MUC5AC: variants seen among roughly 807,000 people sequenced by gnomAD.
The protein encoded by MUC5AC is mucin-5AC.
Under a neutral mutation model 169.7 loss-of-function variants are expected in MUC5AC, and 158 were observed. That is an observed-to-expected ratio of 0.93 (90% CI 0.82 to 1.06). MUC5AC has a LOEUF of 1.06. Ranked by LOEUF, MUC5AC falls within the 50% of genes least tolerant of loss-of-function variation. The pLI is 0.00. For missense variants in MUC5AC, 4,359 were observed against 3,089.9 expected, an observed-to-expected ratio of 1.41 and a Z score of -9.74; for synonymous variants, 1,975 against 1,237.0, an observed-to-expected ratio of 1.60 and a Z score of -12.52.
intron 37 of MUC5AC, 68 bp from the exon 38 acceptor site, chr11:1,196,320 C>T: frequency 1.3e-6 from 1 of 749,414 alleles, no homozygotes; most frequent in Non-Finnish European, 2.5e-6. Flanking sequence ...ATGTTGGTGC[C>T]CAGCGGCCCG....
chr11:1,181,382 T>C lies in MUC5AC; in HGVS notation c.3932T>C (p.Ile1311Thr). 2.5e-6 allele frequency: 1 copy of C among 398,584 alleles called. No homozygotes were observed. The highest frequency in any genetic ancestry group is 4.4e-6 in the Non-Finnish European group (1 of 226,114). The allele number at this position is 398,584 out of a possible 1,614,324, so 24.7% of individuals were successfully genotyped here. ...GCCCGCTGCGGGGCCAACGGCACCA[T>C]TGAGAGGAGGGTCTACCCCTGCAGC... ...ISARCGANGTIERRVYPCSPT... is the reference protein window; with the variant it reads ...ISARCGANGTTERRVYPCSPT... Residue 1311 changes from isoleucine to threonine, a missense_variant, in exon 30 of 49, where the codon ATT becomes ACT. By Grantham distance (89) the Ile-to-Thr change is moderately conservative. Coordinates refer to ENST00000621226, the MANE Select transcript of MUC5AC (RefSeq NM_001304359.2).
At chr11:1,169,843 CACTCACCG>C (rs1183486287) in intron 15 of MUC5AC, among the ~76,000 whole-genome samples, 2 of 136,050 alleles carry the variant, frequency 1.5e-5, no homozygotes, top group Admixed American at 7.2e-5. Context: ...CTCACTCACC[CACTCACCG>C]ACTCACCCAT....
In MUC5AC at chr11:1,190,009, C is replaced by G; in HGVS notation, c.11864C>G (p.Pro3955Arg). The part of the protein sequence containing the change: ...HSQPVTRDCH[P>R]RCTWTKWFDV... ...CAACCAGTCACCAGAGACTGTCATC[C>G]CCGGTGCACCTGGACCAAGTGGTTT... The change falls in exon 31 of 49, where the codon CCC (proline) becomes CGC (arginine). Residue 3955 changes from proline (P) to arginine (R), a missense_variant. Pro to Arg is a moderately radical substitution (Grantham distance 103, BLOSUM62 -2). Transcript: ENST00000621226. 1.3e-6 allele frequency: 1 copy of G among 765,154 alleles called. No homozygotes were observed. Among genetic ancestry groups the G allele is most frequent in the South Asian group, 1.3e-5 (1 of 74,618 alleles). The allele number at this position is 765,154 out of a possible 1,614,324, so 47.4% of individuals were successfully genotyped here.
chr11:1,176,394 C>T (rs978230561), intron 20 of MUC5AC, 120 bp from the exon 21 acceptor site: 23 of 398,600 alleles, frequency 5.8e-5, no homozygotes, highest in South Asian at 2.6e-4. Flanking sequence ...CCTGCCCATG[C>T]GCTCCCGGAC....
intron 19 of MUC5AC, 122 bp from the exon 20 acceptor site, chr11:1,176,029 C>T: frequency 2.5e-6 from 1 of 397,772 alleles, no homozygotes; most frequent in Non-Finnish European, 4.4e-6. Flanking sequence ...CACTCACACC[C>T]ACTCATGCAC....
Position 1,186,434 on chromosome 11 carries a change from C to T in MUC5AC, c.8289C>T (p.Ser2763=). 1 of 702,052 alleles carries T rather than the reference C, an allele frequency of 1.4e-6. No individual in the cohort carries two copies. 43.5% of individuals were successfully genotyped at this position (702,052 alleles called of 1,614,324 possible). A position where few individuals can be genotyped will look rare whatever the true frequency, so the allele number is the denominator to read the frequency against. Residue 2763 remains serine (S), a synonymous_variant, in exon 31 of 49, where the codon AGC becomes AGT. Coordinates refer to ENST00000621226, the MANE Select transcript of MUC5AC (RefSeq NM_001304359.2). ...TTSTISASTT[S]TTSATTTSTT... Reference sequence around the variant, plus strand: ...GCACAATCTCTGCCTCTACCACCAGCACAACCTCTGCGACTACAACCAGCA... The same window carrying T: ...GCACAATCTCTGCCTCTACCACCAGTACAACCTCTGCGACTACAACCAGCA...
chr11:1,175,469 TCACACCCACTCATGCACATGCTCA>T (rs1238770081), intron 19 of MUC5AC, among the ~76,000 whole-genome samples, 199 bp downstream of exon 19: 24,918 of 150,776 alleles, frequency 0.17, 2,276 homozygotes, highest in Non-Finnish European at 0.2. Flanking sequence ...CATATGACAC[TCACACCCACTCATGCACATGCTCA>T]CACACCCACT....
chr11:1,160,705 C>G lies in MUC5AC; in HGVS notation c.151+16C>G. 6.2e-7 allele frequency: 1 copy of G among 1,602,652 alleles called. No individual in the cohort carries two copies. The highest frequency in any genetic ancestry group is 8.5e-7 in the Non-Finnish European group (1 of 1,175,948). On this transcript the variant is annotated intron_variant, in intron 2 of 48. Transcript: ENST00000621226. ...GGGCCCAGCGGTGAGTCTGAGTGTC[C>G]GGCCCCCACCCTAAGCCTGTCAGAT... is the stretch of plus-strand genomic sequence containing the variant.
At chr11:1,192,706 C>T (rs1169628315) in intron 31 of MUC5AC, 77 bp from the exon 32 acceptor site, 4 of 694,284 alleles carry the variant, frequency 5.8e-6, no homozygotes, top group African/African-American at 1.8e-5. Context: ...AGAAAGTGCC[C>T]CTCTGGCTCT....
chr11:1,198,206 A>G (rs1274241888), intron 42 of MUC5AC, 62 bp from the exon 43 acceptor site: 1 of 717,096 alleles, frequency 1.4e-6, no homozygotes, highest in Middle Eastern at 2.3e-4. Context: ...AGGGGCGGGA[A>G]TGCTGAGGGT....
At chr11:1,182,118 G>C (rs1860828871) in intron 30 of MUC5AC, 37 bp from the exon 31 acceptor site, 3 of 398,584 alleles carry the variant, frequency 7.5e-6, no homozygotes, top group Non-Finnish European at 1.3e-5. Context: ...CCAAGTGCGG[G>C]CCTCTCATGC....
rs779222327 is a variant in MUC5AC at position 1,192,356 on chromosome 11, C to G, written c.14211C>G (p.Thr4737=). The G allele has an allele frequency of 1.3e-6, 1 of 764,970 alleles. No individual in the cohort carries two copies. The highest frequency in any genetic ancestry group is 1.7e-5 in the African/African-American group (1 of 59,132). The allele number at this position is 764,970 out of a possible 1,614,324, so 47.4% of individuals were successfully genotyped here. Residue 4737 remains threonine, a synonymous_variant, in exon 31 of 49, where the codon ACC becomes ACG. Transcript: ENST00000621226. The part of the protein sequence containing the change: ...TPRGCPVTSV[T]PYGTSPTNAL... ...GAGGCTGCCCGGTGACCTCTGTGAC[C>G]CCATATGGGACTTCTCCTACCAATG...
In MUC5AC at chr11:1,174,927, A is replaced by G. The variant is rs1033872522; in HGVS notation, c.2138A>G (p.His713Arg). The G allele has an allele frequency of 2.7e-5, 11 of 409,988 alleles. No individual in the cohort carries two copies. The highest frequency in any genetic ancestry group is 4.4e-5 in the Admixed American group (1 of 22,964). 25.4% of individuals were successfully genotyped at this position (409,988 alleles called of 1,614,324 possible). A position where few individuals can be genotyped will look rare whatever the true frequency, so the allele number is the denominator to read the frequency against. Residue 713 changes from histidine to arginine, a missense_variant, in exon 18 of 49, where the codon CAT (histidine) becomes CGT (arginine). Coordinates refer to ENST00000621226, the MANE Select transcript of MUC5AC (RefSeq NM_001304359.2). ...CCCAAGTCAATGACGTACCACTACC[A>G]TGTCAGCACCTGCCAGCCCACCTGC... ...TCPKSMTYHY[H>R]VSTCQPTCRS...
At position 1,160,596 on chromosome 11, in the gene MUC5AC, C is replaced by T. The variant is rs909714964; in HGVS notation, c.74-16C>T. ...CCACCCTGCATCTGGGCTCAGCCCCCCTCCTCTTTCTGCAGGCCATGCCCA... is the reference window on the plus strand; with the variant it reads ...CCACCCTGCATCTGGGCTCAGCCCCTCTCCTCTTTCTGCAGGCCATGCCCA... On this transcript the variant is annotated splice_polypyrimidine_tract_variant and intron_variant, in intron 1 of 48. Transcript: ENST00000621226. The T allele has an allele frequency of 3.1e-6, 5 of 1,602,436 alleles. No homozygotes were observed. In the Admixed American group the frequency reaches 8.4e-5, roughly 27 times the overall value.
rs755367539 is a variant in MUC5AC, at chr11:1,193,517, C to T, written c.14613C>T (p.Ser4871=). ...KGETWATPNC[S]EATCEGNNVI... ...AGACCTGGGCCACACCCAACTGCTC[C>T]GAGGCCACCTGTGAGGGCAACAACG... The change falls in exon 33 of 49, where the codon TCC becomes TCT. Residue 4871 remains serine, a synonymous_variant. Coordinates refer to ENST00000621226, the MANE Select transcript of MUC5AC (RefSeq NM_001304359.2). The T allele has an allele frequency of 1.3e-5, 10 of 755,298 alleles. No individual in the cohort carries two copies. Among genetic ancestry groups the T allele is most frequent in the African/African-American group, 6.8e-5 (4 of 58,938 alleles). 46.8% of individuals were successfully genotyped at this position (755,298 alleles called of 1,614,324 possible).
At chr11:1,158,525 C>G (rs981414237) in intron 1 of MUC5AC, among the ~76,000 whole-genome samples, 1 of 152,192 alleles carries the variant, frequency 6.6e-6, no homozygotes, top group African/African-American at 2.4e-5. Context: ...GGATCTCCTG[C>G]GGGGGGAGGT....
intron 6 of MUC5AC, among the ~76,000 whole-genome samples, chr11:1,163,500 G>GC (rs1860207040): frequency 6.6e-6 from 1 of 152,220 alleles, no homozygotes; most frequent in Non-Finnish European, 1.5e-5. Context: ...TGGGTGTCCA[G>GC]CAGCCCTTGG....
chr11:1,189,772 C>A lies in MUC5AC; in HGVS notation c.11627C>A (p.Thr3876Lys). 2.9e-6 allele frequency: 2 copies of A among 688,580 alleles called. No homozygotes were observed. Among genetic ancestry groups the A allele is most frequent in the Non-Finnish European group, 5.3e-6 (2 of 378,286 alleles). 42.7% of individuals were successfully genotyped at this position (688,580 alleles called of 1,614,324 possible). The change falls in exon 31 of 49, where the codon ACA (threonine) becomes AAA (lysine). Residue 3876 changes from threonine (T) to lysine (K), a missense_variant. Transcript: ENST00000621226. ...APTASTISAP[T>K]TSTTSFHTTS... ...ACAGCCAGCACAATCTCTGCCCCTACAACCAGCACAACCTCTTTCCATACA... is the reference window on the plus strand; with the variant it reads ...ACAGCCAGCACAATCTCTGCCCCTAAAACCAGCACAACCTCTTTCCATACA...
chr11:1,168,659 A>G lies in MUC5AC; in HGVS notation c.1585A>G (p.Arg529Gly), dbSNP rs1860403471. The G allele has an allele frequency of 6.2e-7, 1 of 1,610,344 alleles. No individual in the cohort carries two copies. Among genetic ancestry groups the G allele is most frequent in the African/African-American group, 1.3e-5 (1 of 74,896 alleles). Residue 529 changes from arginine (R) to glycine (G), a missense_variant, in exon 14 of 49, where the codon AGA (arginine) becomes GGA (glycine). Arg to Gly is a moderately radical substitution (Grantham distance 125). Coordinates refer to ENST00000621226, the MANE Select transcript of MUC5AC (RefSeq NM_001304359.2). The part of the protein sequence containing the change: ...PISAANVTIF[R>G]PSTFFIIAQT... The stretch of plus-strand genomic sequence containing the variant: ...GTCCCCAGCCAACGTCACCATCTTC[A>G]GACCCTCAACCTTCTTCATCATCGC...
Sources: allele counts gnomAD v4.1 joint callset (sites outside exome capture counted in the v4.1 genomes callset), GRCh38; gene constraint gnomAD v4.1.1; transcripts MANE v1.5; gene names NCBI Gene and HGNC (gene_info 2026-07-23, HGNC 2026-07-21).